PLXND1: variants seen among roughly 807,000 people sequenced by gnomAD.
PLXND1 encodes the protein plexin-D1.
A neutral mutation model predicts 197.7 loss-of-function variants in PLXND1; 54 were observed. The observed-to-expected ratio is 0.27, with a 90% CI of 0.22 to 0.34. PLXND1 has a LOEUF of 0.34. Among genes scored for constraint, PLXND1 ranks in the 10% least tolerant of loss-of-function variants. PLXND1 has a pLI of 1.00. For synonymous variants in PLXND1, 1,180 were observed against 1,161.2 expected (o/e 1.02, Z -0.33); for missense variants, 2,127 against 2,699.2 (o/e 0.79, Z 4.70).
At chr3:129,569,792 G>T (rs746313986) in intron 20 of PLXND1, 51 bp downstream of exon 20, 11 of 1,006,658 alleles carry the variant, frequency 1.1e-5, no homozygotes, top group Non-Finnish European at 1.7e-5. Context: ...AGGGGCTGGG[G>T]CAAGGTGGCA....
chr3:129,605,284 CCCGCCGCCGCCGCCGCCGCCG>C (rs3832259), intron 1 of PLXND1, 24 bp downstream of exon 1: 2 of 783,840 alleles, frequency 2.6e-6, no homozygotes, highest in Non-Finnish European at 3.4e-6. Flanking sequence ...CGCCCCCGCC[CCCGCCGCCGCCGCCGCCGCCG>C]CCGCCGCCAC....
rs2084990386 is a variant in PLXND1 at position 129,557,398 on chromosome 3, G to C, written c.5446-175C>G. On this transcript the variant is annotated intron_variant, in intron 33 of 35. Transcript: ENST00000324093. This position sits in a 1 kb window ranked among gnomAD's most constrained non-coding sequence, Gnocchi z 4.8. ...CCGCACTCAGCCGGCCCCAGACCAG[G>C]GGCTCCTCACTGTGCTCTGTCTGCC... Among the ~76,000 whole-genome samples, 1 of 152,150 alleles carries C rather than the reference G, an allele frequency of 6.6e-6. No individual in the cohort carries two copies. Among genetic ancestry groups the C allele is most frequent in the South Asian group, 2.1e-4 (1 of 4,820 alleles).
In PLXND1 at chr3:129,584,038, T is replaced by C. The variant is rs2085422501; in HGVS notation, c.2138+87A>G. On this transcript the variant is annotated intron_variant, in intron 7 of 35. Transcript: ENST00000324093. ...TACCTCTACGATGCTATGATTTTTC[T>C]TCTCAGGGCCCCCTGAAAGCAAAGA... 21 of 824,190 alleles carry C rather than the reference T, an allele frequency of 2.5e-5. No individual in the cohort carries two copies. The South Asian group carries it at 2.8e-4, about 11-fold the overall frequency. The allele number at this position is 824,190 out of a possible 1,614,324, so 51.1% of individuals were successfully genotyped here.
At position 129,558,640 on chromosome 3, in the gene PLXND1, G is replaced by A. The variant is rs894271034; in HGVS notation, c.5298-65C>T. 1 of 1,495,270 alleles carries A rather than the reference G, an allele frequency of 6.7e-7. No homozygotes were observed. The highest frequency in any genetic ancestry group is 9.2e-7 in the Non-Finnish European group (1 of 1,084,462). 92.6% of individuals were successfully genotyped at this position (1,495,270 alleles called of 1,614,324 possible). On this transcript the variant is annotated intron_variant, in intron 32 of 35. Coordinates refer to ENST00000324093, the MANE Select transcript of PLXND1 (RefSeq NM_015103.3). This position sits in a 1 kb window ranked among gnomAD's most constrained non-coding sequence, Gnocchi z 4.1. ...GGTAGGAAGCAGTCGAGGGACAGTT[G>A]TGGAGGAGAGAGCTGGCTTTGTCCC...
At position 129,560,723 on chromosome 3, in the gene PLXND1, AC is replaced by A; in HGVS notation, c.4994-1del. On this transcript the variant is annotated splice_acceptor_variant, in intron 29 of 35. Transcript: ENST00000324093. LOFTEE classifies it high-confidence loss of function. ...ATACTTCTCTGTGTCCAAGTCTTTC[AC>A]TGTGAGAGGAAAAACACAATAAATA... 1 of 1,587,610 alleles carries A rather than the reference AC, an allele frequency of 6.3e-7. No homozygotes were observed.
intron 1 of PLXND1, among the ~76,000 whole-genome samples, chr3:129,596,333 C>A (rs986883708): frequency 6.6e-6 from 1 of 152,118 alleles, no homozygotes; most frequent in African/African-American, 2.4e-5. Context: ...TCTGCCCTGG[C>A]GCCTGGGAAC....
In PLXND1 at chr3:129,566,540, A is replaced by C; in HGVS notation, c.4178T>G (p.Leu1393Arg). Reference sequence around the variant, plus strand: ...TGGGGTACTCACCTTCCACTCTCCCAGCAGTGGGTGGGTTTCCTGTGCCTG... The same window carrying C: ...TGGGGTACTCACCTTCCACTCTCCCCGCAGTGGGTGGGTTTCCTGTGCCTG... ...SSQAQETHPL[L>R]GEWKIPESCR... The change falls in exon 23 of 36, where the codon CTG (leucine) becomes CGG (arginine). Residue 1393 changes from leucine (L) to arginine (R), a missense_variant. Leu to Arg is a moderately radical substitution (Grantham distance 102, BLOSUM62 -2). This residue lies in a region of PLXND1 where 532 missense variants were observed against 811.0 expected (regional missense o/e 0.66). Transcript: ENST00000324093. 1.2e-6 allele frequency: 2 copies of C among 1,608,134 alleles called. No individual in the cohort carries two copies. Among genetic ancestry groups the C allele is most frequent in the Non-Finnish European group, 1.7e-6 (2 of 1,174,556 alleles).
chr3:129,590,318 ACTTGCTCCTACCTTCC>A (rs2085520971), intron 1 of PLXND1, among the ~76,000 whole-genome samples: 1 of 151,888 alleles, frequency 6.6e-6, no homozygotes, highest in South Asian at 2.1e-4. Flanking sequence ...TGTTCCCTGA[ACTTGCTCCTACCTTCC>A]CTCCCTTCTC....
intron 9 of PLXND1, 26 bp from the exon 10 acceptor site, chr3:129,575,881 G>T: frequency 6.9e-7 from 1 of 1,453,106 alleles, no homozygotes; most frequent in Non-Finnish European, 9.6e-7. Context: ...AGTGGGAGGC[G>T]GGTTTGAGGA....
chr3:129,602,864 T>C (rs1190361342), intron 1 of PLXND1, among the ~76,000 whole-genome samples: 1 of 152,170 alleles, frequency 6.6e-6, no homozygotes, highest in Admixed American at 6.5e-5. Flanking sequence ...TAAGGATTGC[T>C]TTTACTGTCC....
Position 129,571,048 on chromosome 3 carries a change from C to T in PLXND1, c.3592G>A (p.Val1198Ile), listed in dbSNP as rs780799217. ...KHHPGEPLTL[V>I]IHKEQDSLGL... ...GCCCCTTTGGTGCTCACGTGGATAA[C>T]GAGGGTGAGAGGCTCCCCGGGGTGG... The change falls in exon 18 of 36, where the codon GTT becomes ATT. Residue 1198 changes from valine (V) to isoleucine (I), a missense_variant. Coordinates refer to ENST00000324093, the MANE Select transcript of PLXND1 (RefSeq NM_015103.3). 16 of 1,613,774 alleles carry T rather than the reference C, an allele frequency of 9.9e-6. No homozygotes were observed. The highest frequency in any genetic ancestry group is 1.6e-4 in the Middle Eastern group (1 of 6,082).
At chr3:129,573,947 G>A (rs1028439200) in intron 12 of PLXND1, among the ~76,000 whole-genome samples, 16 of 152,204 alleles carry the variant, frequency 1.1e-4, no homozygotes, top group African/African-American at 3.6e-4. Context: ...GTGCATTACT[G>A]AGCCCACGTG....
At position 129,571,538 on chromosome 3, in the gene PLXND1, C is replaced by T; in HGVS notation, c.3307G>A (p.Ala1103Thr). 3.1e-6 allele frequency: 5 copies of T among 1,613,680 alleles called. No individual in the cohort carries two copies. The highest frequency in any genetic ancestry group is 4.2e-6 in the Non-Finnish European group (5 of 1,179,986). ...RFHMVQNVSM[A>T]VHHIGREPTL... Reference sequence around the variant, plus strand: ...GGCTCCCGGCCAATGTGGTGGACGGCCATGGACACATTCTGCACCATGTGG... The same window carrying T: ...GGCTCCCGGCCAATGTGGTGGACGGTCATGGACACATTCTGCACCATGTGG... Residue 1103 changes from alanine to threonine, a missense_variant, in exon 17 of 36, where the codon GCC (alanine) becomes ACC (threonine). Physicochemically the swap from Ala to Thr is moderately conservative, Grantham distance 58. Transcript: ENST00000324093.
chr3:129,594,633 C>A (rs929010106), intron 1 of PLXND1, among the ~76,000 whole-genome samples: 1 of 152,128 alleles, frequency 6.6e-6, no homozygotes, highest in African/African-American at 2.4e-5. Flanking sequence ...AACTGCAAAG[C>A]GCTTAATGCA....
rs2085014609 is a variant in PLXND1 at position 129,558,856 on chromosome 3, G to A, written c.5298-281C>T. 6.6e-6 allele frequency among the ~76,000 whole-genome samples: 1 copy of A among 152,126 alleles called. No individual in the cohort carries two copies. Among genetic ancestry groups the A allele is most frequent in the South Asian group, 2.1e-4 (1 of 4,828 alleles). On this transcript the variant is annotated intron_variant, in intron 32 of 35. Transcript: ENST00000324093. This position sits in a 1 kb window ranked among gnomAD's most constrained non-coding sequence, Gnocchi z 4.1. ...TCCAGTCAGGTCCTGGTTCTCATTAGAACCAGGTGCCGGCCCCCGGGCACC... is the reference window on the plus strand; with the variant it reads ...TCCAGTCAGGTCCTGGTTCTCATTAAAACCAGGTGCCGGCCCCCGGGCACC...
chr3:129,559,564 C>G, intron 32 of PLXND1, 56 bp downstream of exon 32: 1 of 1,433,034 alleles, frequency 7.0e-7, no homozygotes, highest in Non-Finnish European at 9.4e-7. Context: ...TCTGAACCCC[C>G]TGCCACAGGG....
At position 129,561,690 on chromosome 3, in the gene PLXND1, AG is replaced by A; in HGVS notation, c.4948del (p.Leu1650TrpfsTer3). 1 of 1,526,580 alleles carries A rather than the reference AG, an allele frequency of 6.6e-7. No homozygotes were observed. The highest frequency in any genetic ancestry group is 1.8e-5 in the Admixed American group (1 of 54,368). 94.6% of individuals were successfully genotyped at this position (1,526,580 alleles called of 1,614,324 possible). On this transcript the variant is annotated frameshift_variant, in exon 29 of 36. Coordinates refer to ENST00000324093, the MANE Select transcript of PLXND1 (RefSeq NM_015103.3). LOFTEE classifies it high-confidence loss of function. ...AHYKIPEGAS[L>X]AMSLIDKKDN... ...CTTCTTGTCTATGAGACTCATGGCCAGGGAGGCACCTTCAGGGATCTGATGG... is the reference window on the plus strand; with the variant it reads ...CTTCTTGTCTATGAGACTCATGGCCAGGAGGCACCTTCAGGGATCTGATGG...
chr3:129,579,297 CTG>C (rs1410081229), intron 8 of PLXND1, among the ~76,000 whole-genome samples: 1 of 152,172 alleles, frequency 6.6e-6, no homozygotes, highest in Non-Finnish European at 1.5e-5. Flanking sequence ...TGTCTTGACT[CTG>C]GGGTCCTCCG....
At chr3:129,603,148 G>A (rs906738798) in intron 1 of PLXND1, among the ~76,000 whole-genome samples, 24 of 152,340 alleles carry the variant, frequency 1.6e-4, no homozygotes, top group Admixed American at 1.2e-3. Flanking sequence ...CGGGCACGGC[G>A]AAGAGGAGAA....
Sources: gnomAD v4.1 joint callset for allele counts (sites outside exome capture counted in the v4.1 genomes callset) on GRCh38, gnomAD v4.1.1 for gene constraint, gnomAD v4.1.1 regional missense constraint, Gnocchi (gnomAD v3.1) non-coding constraint, MANE v1.5 for transcripts, NCBI Gene and HGNC (gene_info 2026-07-23, HGNC 2026-07-21) for gene names.